The following PHKG1 variants were observed in gnomAD, a reference collection of about 807,000 sequenced individuals.
PHKG1 encodes the protein phosphorylase kinase catalytic subunit gamma 1, also known as phosphorylase b kinase gamma catalytic chain, skeletal muscle/heart isoform.
In PHKG1, 48 loss-of-function variants were observed where a neutral mutation model predicts 50.5. The ratio of observed to expected loss-of-function variants is 0.95; its 90% CI spans 0.75 to 1.21. The LOEUF (loss-of-function observed/expected upper bound fraction) is 1.21, where lower values mean the gene tolerates loss of function less well. PHKG1 is among the 50% of genes most tolerant of loss of function. PHKG1 has a pLI of 0.00. For missense variants in PHKG1, 487 were observed against 519.5 expected (o/e 0.94, Z 0.61); for synonymous variants, 204 against 212.8 (o/e 0.96, Z 0.36).
intron 2 of PHKG1, chr7:56,088,564 C>T (rs1562881595): frequency 3.6e-6 from 1 of 276,100 alleles, no homozygotes; most frequent in Non-Finnish European, 6.8e-6. Context: ...GCTATGTTGC[C>T]CAGGCTGATC....
chr7:56,084,692 C>T (rs1272495972), intron 4 of PHKG1, among the ~76,000 whole-genome samples: 1 of 151,914 alleles, frequency 6.6e-6, no homozygotes, highest in Non-Finnish European at 1.5e-5. Flanking sequence ...GATTTTTTCC[C>T]AGGAAACAAA....
At chr7:56,084,359 T>G in intron 4 of PHKG1, 1 of 561,580 alleles carries the variant, frequency 1.8e-6, no homozygotes, top group Non-Finnish European at 3.1e-6. Context: ...CAGAAGGACG[T>G]GAGTATCCCG....
chr7:56,086,925 C>G lies in PHKG1; in HGVS notation c.317+45G>C, dbSNP rs370435699. Reference sequence around the variant, plus strand: ...CTGGGGTTGGGGAGGGGACAGCAGTCGGAGGTTCTCTCAGGTGTGGCTTGC... The same window carrying G: ...CTGGGGTTGGGGAGGGGACAGCAGTGGGAGGTTCTCTCAGGTGTGGCTTGC... On this transcript the variant is annotated intron_variant, in intron 4 of 9. Coordinates refer to ENST00000297373, the MANE Select transcript of PHKG1 (RefSeq NM_006213.5). 2.7e-5 allele frequency: 41 copies of G among 1,495,164 alleles called. No homozygotes were observed. In the African/African-American group the frequency reaches 5.0e-4, roughly 18 times the overall value. The allele number at this position is 1,495,164 out of a possible 1,614,324, so 92.6% of individuals were successfully genotyped here. A position where few individuals can be genotyped will look rare whatever the true frequency, so the allele number is the denominator to read the frequency against.
intron 4 of PHKG1, among the ~76,000 whole-genome samples, chr7:56,085,292 C>G (rs1203779561): frequency 6.6e-6 from 1 of 151,528 alleles, no homozygotes; most frequent in Non-Finnish European, 1.5e-5. Context: ...GAGATGGGGT[C>G]TCACTTTGTT....
At position 56,087,612 on chromosome 7, in the gene PHKG1, C is replaced by T. The variant is rs754372415; in HGVS notation, c.248G>A (p.Gly83Glu). 5.0e-6 allele frequency: 8 copies of T among 1,613,614 alleles called. No homozygotes were observed. The South Asian group carries it at 7.7e-5, about 16-fold the overall frequency. ...KEVDILRKVS[G>E]HPNIIQLKDT... Reference sequence around the variant, plus strand: ...CCATCACTCACTGATGTTGGGGTGCCCTGAGACCTTGCGCAGGATGTCCAC... The same window carrying T: ...CCATCACTCACTGATGTTGGGGTGCTCTGAGACCTTGCGCAGGATGTCCAC... The change falls in exon 3 of 10, where the codon GGG becomes GAG. Residue 83 changes from glycine to glutamate, a missense_variant. Coordinates refer to ENST00000297373, the MANE Select transcript of PHKG1 (RefSeq NM_006213.5).
At position 56,081,016 on chromosome 7, in the gene PHKG1, C is replaced by T. The variant is rs772342866; in HGVS notation, c.*38G>A. 6 of 1,607,220 alleles carry T rather than the reference C, an allele frequency of 3.7e-6. No individual in the cohort carries two copies. Among genetic ancestry groups the T allele is most frequent in the Non-Finnish European group, 5.1e-6 (6 of 1,177,532 alleles). ...ACTTGTATTTCCATGGCTTCCCCTC[C>T]CCACCTGCCCCCTAGCCCTCCCTGA... On this transcript the variant is annotated 3_prime_UTR_variant, in exon 10 of 10. Coordinates refer to ENST00000297373, the MANE Select transcript of PHKG1 (RefSeq NM_006213.5). This position sits in a 1 kb window ranked among gnomAD's most constrained non-coding sequence, Gnocchi z 4.6.
rs1562878230 is a variant in PHKG1 at position 56,083,459 on chromosome 7, C to G, written c.384-18G>C. The G allele has an allele frequency of 6.2e-7, 1 of 1,613,114 alleles. No homozygotes were observed. Among genetic ancestry groups the G allele is most frequent in the African/African-American group, 1.3e-5 (1 of 74,924 alleles). Reference sequence around the variant, plus strand: ...TGATCTTTCTAGGGTGGGGCACACACTTGTTACTCTTCCTCTGCTCAGGGT... The same window carrying G: ...TGATCTTTCTAGGGTGGGGCACACAGTTGTTACTCTTCCTCTGCTCAGGGT... On this transcript the variant is annotated intron_variant, in intron 5 of 9. Transcript: ENST00000297373.
In PHKG1 at chr7:56,088,034, C is replaced by CTT. The variant is rs34445347; in HGVS notation, c.84-260_84-259dup. Among the ~76,000 whole-genome samples, 534 of 77,902 alleles carry CTT rather than the reference C, an allele frequency of 6.9e-3. 27 individuals carry two copies. The highest frequency in any genetic ancestry group is 0.056 in the Admixed American group (289 of 5,142). 51.1% of individuals were successfully genotyped at this position (77,902 alleles called of 152,430 possible). ...TTTTTCCTTTTTGAGCCGTTCAGTG[C>CTT]TTTTTTTTTTTTTTTTTTTGAGACG... On this transcript the variant is annotated intron_variant, in intron 2 of 9. Transcript: ENST00000297373.
In PHKG1 at chr7:56,081,177, G is replaced by C; in HGVS notation, c.1041C>G (p.Ile347Met). The C allele has an allele frequency of 6.2e-7, 1 of 1,613,926 alleles. No homozygotes were observed. The highest frequency in any genetic ancestry group is 1.1e-5 in the South Asian group (1 of 91,070). Residue 347 changes from isoleucine (I) to methionine (M), a missense_variant, in exon 10 of 10, where the codon ATC becomes ATG. Physicochemically the swap from Ile to Met is conservative, Grantham distance 10. Transcript: ENST00000297373. The surrounding 1 kb of genome is among the most constrained non-coding windows in gnomAD (Gnocchi z 4.6). ...CATAGATTCGGAAAGCGTAGGCGTC[G>C]ATGAGCCGGCGCAGAGGCCGGAGGG... ...PYALRPLRRL[I>M]DAYAFRIYGH...
chr7:56,084,207 A>G, intron 4 of PHKG1: 4 of 1,534,648 alleles, frequency 2.6e-6, no homozygotes, highest in South Asian at 1.2e-5. Context: ...CCCAAGCACC[A>G]TTTCTGTTCC....
At position 56,080,437 on chromosome 7, in the gene PHKG1, G is replaced by A. The variant is rs528304793; in HGVS notation, c.*617C>T. 5.1e-5 allele frequency: 8 copies of A among 157,782 alleles called. No homozygotes were observed. The highest frequency in any genetic ancestry group is 1.9e-4 in the African/African-American group (8 of 41,422). 9.8% of individuals were successfully genotyped at this position (157,782 alleles called of 1,614,324 possible). A position where few individuals can be genotyped will look rare whatever the true frequency, so the allele number is the denominator to read the frequency against. On this transcript the variant is annotated 3_prime_UTR_variant, in exon 10 of 10. Transcript: ENST00000297373. ...CACCACCATGCCTGGCTAATTTTTTGAATTTTTGTAGTGATGGGATCTCGC... is the reference window on the plus strand; with the variant it reads ...CACCACCATGCCTGGCTAATTTTTTAAATTTTTGTAGTGATGGGATCTCGC...
chr7:56,092,137 G>T (rs1584635886), intron 1 of PHKG1, among the ~76,000 whole-genome samples: 1 of 152,194 alleles, frequency 6.6e-6, no homozygotes, highest in Admixed American at 6.5e-5. Flanking sequence ...CACCTTTCCT[G>T]GGGGGCTGAG....
Position 56,081,628 on chromosome 7 carries a change from A to G in PHKG1, c.918+2T>C. On this transcript the variant is annotated splice_donor_variant, in intron 9 of 9. Coordinates refer to ENST00000297373, the MANE Select transcript of PHKG1 (RefSeq NM_006213.5). LOFTEE classifies it high-confidence loss of function. This position sits in a 1 kb window ranked among gnomAD's most constrained non-coding sequence, Gnocchi z 4.6. ...GCGGGCCTGGATCAGGACGCTTAGT[A>G]CCTTGAACTTCCCCCGGGGGCTGAA... is the stretch of plus-strand genomic sequence containing the variant. 1 of 1,613,420 alleles carries G rather than the reference A, an allele frequency of 6.2e-7. No homozygotes were observed. The highest frequency in any genetic ancestry group is 8.5e-7 in the Non-Finnish European group (1 of 1,179,954).
rs865853158 is a variant in PHKG1 at position 56,087,609 on chromosome 7, T to G, written c.251A>C (p.His84Pro). 2 of 1,612,834 alleles carry G rather than the reference T, an allele frequency of 1.2e-6. No individual in the cohort carries two copies. The highest frequency in any genetic ancestry group is 2.7e-5 in the African/African-American group (2 of 74,902). ...GGGCCATCACTCACTGATGTTGGGGTGCCCTGAGACCTTGCGCAGGATGTC... is the reference window on the plus strand; with the variant it reads ...GGGCCATCACTCACTGATGTTGGGGGGCCCTGAGACCTTGCGCAGGATGTC... ...EVDILRKVSG[H>P]PNIIQLKDTY... The change falls in exon 3 of 10, where the codon CAC (histidine) becomes CCC (proline). Residue 84 changes from histidine to proline, a missense_variant. Transcript: ENST00000297373.
intron 4 of PHKG1, among the ~76,000 whole-genome samples, chr7:56,086,011 C>T (rs1485969479): frequency 1.3e-5 from 2 of 151,408 alleles, no homozygotes; most frequent in Non-Finnish European, 2.9e-5. Flanking sequence ...TCATGTCACC[C>T]TCCCAGTCTT....
intron 4 of PHKG1, among the ~76,000 whole-genome samples, chr7:56,085,927 T>C (rs571213316): frequency 1.4e-5 from 2 of 147,788 alleles, no homozygotes; most frequent in East Asian, 4.0e-4. Context: ...TGAGCCGAGA[T>C]CGCACCACTA....
At chr7:56,087,401 A>T (rs1036594148) in intron 3 of PHKG1, among the ~76,000 whole-genome samples, 197 bp downstream of exon 3, 6 of 151,846 alleles carry the variant, frequency 4.0e-5, no homozygotes, top group African/African-American at 1.5e-4. Flanking sequence ...CAGCCCAGGG[A>T]CATCAAACCC....
intron 4 of PHKG1, among the ~76,000 whole-genome samples, chr7:56,085,654 G>C (rs770852556): frequency 2.6e-5 from 4 of 152,106 alleles, no homozygotes; most frequent in Non-Finnish European, 4.4e-5. Context: ...TCCCTAGATA[G>C]TCAGTGAGAT....
chr7:56,088,894 G>T lies in PHKG1; in HGVS notation c.48C>A (p.Phe16Leu), dbSNP rs777874777. ...ALPDSHSAQD[F>L]YENYEPKEIL... Reference sequence around the variant, plus strand: ...TCTCTTTGGGCTCATAATTCTCATAGAAGTCCTGTGCAGAATGAGAGTCCG... The same window carrying T: ...TCTCTTTGGGCTCATAATTCTCATATAAGTCCTGTGCAGAATGAGAGTCCG... The change falls in exon 2 of 10, where the codon TTC becomes TTA. Residue 16 changes from phenylalanine (F) to leucine (L), a missense_variant. Phe to Leu is a conservative substitution (Grantham distance 22). Coordinates refer to ENST00000297373, the MANE Select transcript of PHKG1 (RefSeq NM_006213.5). 3 of 1,613,784 alleles carry T rather than the reference G, an allele frequency of 1.9e-6. No individual in the cohort carries two copies. Among genetic ancestry groups the T allele is most frequent in the Non-Finnish European group, 2.5e-6 (3 of 1,179,850 alleles).
Sources: gnomAD v4.1 joint callset for allele counts (sites outside exome capture counted in the v4.1 genomes callset) on GRCh38, gnomAD v4.1.1 for gene constraint, Gnocchi (gnomAD v3.1) non-coding constraint, MANE v1.5 for transcripts, NCBI Gene and HGNC (gene_info 2026-07-23, HGNC 2026-07-21) for gene names.